SLC24A4: variants seen among roughly 807,000 people sequenced by gnomAD.
SLC24A4 encodes sodium/potassium/calcium exchanger 4.
Under a neutral mutation model 79.0 loss-of-function variants are expected in SLC24A4, and 53 were observed. That is an observed-to-expected ratio of 0.67 (90% CI 0.54 to 0.84). The LOEUF (loss-of-function observed/expected upper bound fraction) is 0.84. Among genes scored for constraint, SLC24A4 ranks in the 40% least tolerant of loss-of-function variants. The pLI, the probability that SLC24A4 is intolerant of heterozygous loss-of-function variation, is 0.00. For missense variants in SLC24A4, 731 were observed against 822.0 expected, an observed-to-expected ratio of 0.89 and a Z score of 1.35; for synonymous variants, 323 against 323.8, an observed-to-expected ratio of 1.00 and a Z score of 0.03.
At position 92,493,482 on chromosome 14, in the gene SLC24A4, G is replaced by T; in HGVS notation, c.1723G>T (p.Gly575Cys). 1 of 1,614,090 alleles carries T rather than the reference G, an allele frequency of 6.2e-7. No homozygotes were observed. The highest frequency in any genetic ancestry group is 1.1e-5 in the South Asian group (1 of 91,074). Residue 575 changes from glycine (G) to cysteine (C), a missense_variant, in exon 17 of 17, where the codon GGC (glycine) becomes TGC (cysteine). By Grantham distance (159) the Gly-to-Cys change is radical. Transcript: ENST00000532405. ...LLGSVALTVL[G>C]IHLNKWRLDR... ...CCACACTCTGTCCTCCCAGGTCCTC[G>T]GCATCCACCTAAACAAGTGGCGACT...
intron 3 of SLC24A4, 122 bp from the exon 4 acceptor site, chr14:92,439,213 C>A: frequency 2.7e-6 from 2 of 737,152 alleles, no homozygotes; most frequent in Non-Finnish European, 4.7e-6. Flanking sequence ...TGGAGTTTTC[C>A]TGTGTGCCCC....
At chr14:92,484,157 C>G (rs921620541) in intron 13 of SLC24A4, 8 of 985,246 alleles carry the variant, frequency 8.1e-6, no homozygotes, top group Middle Eastern at 1.0e-3. Flanking sequence ...TTCCCTCCCC[C>G]CAACCCAATC....
At chr14:92,379,887 C>T (rs115065348) in intron 2 of SLC24A4, among the ~76,000 whole-genome samples, 3,310 of 152,252 alleles carry the variant, frequency 0.022, 66 homozygotes, top group African/African-American at 0.051. Context: ...CCAGACTCTC[C>T]GTCATCCAGG....
In SLC24A4 at chr14:92,454,748, T is replaced by C. The variant is rs1893361018; in HGVS notation, c.1050+679T>C. On this transcript the variant is annotated intron_variant, in intron 11 of 16. Coordinates refer to ENST00000532405, the MANE Select transcript of SLC24A4 (RefSeq NM_153646.4). ...ATATTTCACAGTGCCTACGGGTTCA[T>C]ATTGTAAACATTTCTCTTTGATTTA... is the stretch of plus-strand genomic sequence containing the variant. Among the ~76,000 whole-genome samples, 4 of 152,230 alleles carry C rather than the reference T, an allele frequency of 2.6e-5. No homozygotes were observed. In the South Asian group the frequency reaches 8.3e-4, roughly 32 times the overall value.
At chr14:92,368,698 G>T (rs1215666305) in intron 2 of SLC24A4, among the ~76,000 whole-genome samples, 1 of 152,162 alleles carries the variant, frequency 6.6e-6, no homozygotes, top group Non-Finnish European at 1.5e-5. Context: ...GACAGCTGCT[G>T]CAGGGGCTCT....
At position 92,444,928 on chromosome 14, in the gene SLC24A4, CACAT is replaced by C. The variant is rs752811910; in HGVS notation, c.658-385_658-382del. Among the ~76,000 whole-genome samples, 308 of 70,950 alleles carry C rather than the reference CACAT, an allele frequency of 4.3e-3. 6 individuals are homozygous for C. In the East Asian group the frequency reaches 0.1, roughly 24 times the overall value. 46.5% of individuals were successfully genotyped at this position (70,950 alleles called of 152,430 possible). ...TACACACACACACCCTATATACACA[CACAT>C]ACACACACACACACACACACACACA... On this transcript the variant is annotated intron_variant, in intron 7 of 16. Coordinates refer to ENST00000532405, the MANE Select transcript of SLC24A4 (RefSeq NM_153646.4).
At chr14:92,358,755 G>A (rs1887327809) in intron 2 of SLC24A4, among the ~76,000 whole-genome samples, 1 of 145,912 alleles carries the variant, frequency 6.9e-6, no homozygotes, top group East Asian at 2.0e-4. Context: ...GGAATGCAGT[G>A]CTCACTGCAA....
intron 2 of SLC24A4, among the ~76,000 whole-genome samples, chr14:92,415,782 T>C (rs1890949167): frequency 6.6e-6 from 1 of 151,836 alleles, no homozygotes; most frequent in Non-Finnish European, 1.5e-5. Flanking sequence ...TTTTTTTTAA[T>C]TTCCATAGGG....
intron 12 of SLC24A4, among the ~76,000 whole-genome samples, chr14:92,461,610 T>C (rs1489674905): frequency 6.6e-6 from 1 of 152,152 alleles, no homozygotes; most frequent in Non-Finnish European, 1.5e-5. Flanking sequence ...AGGCCACTAT[T>C]GAATTAGGAC....
rs1388443783 is a variant in SLC24A4 at position 92,493,486 on chromosome 14, T to C, written c.1727T>C (p.Ile576Thr). 1 of 1,614,226 alleles carries C rather than the reference T, an allele frequency of 6.2e-7. No individual in the cohort carries two copies. Among genetic ancestry groups the C allele is most frequent in the Non-Finnish European group, 8.5e-7 (1 of 1,180,042 alleles). The change falls in exon 17 of 17, where the codon ATC (isoleucine) becomes ACC (threonine). Residue 576 changes from isoleucine to threonine, a missense_variant. Physicochemically the swap from Ile to Thr is moderately conservative, Grantham distance 89. Coordinates refer to ENST00000532405, the MANE Select transcript of SLC24A4 (RefSeq NM_153646.4). ...LGSVALTVLG[I>T]HLNKWRLDRK... Reference sequence around the variant, plus strand: ...ACTCTGTCCTCCCAGGTCCTCGGCATCCACCTAAACAAGTGGCGACTGGAC... The same window carrying C: ...ACTCTGTCCTCCCAGGTCCTCGGCACCCACCTAAACAAGTGGCGACTGGAC...
intron 9 of SLC24A4, among the ~76,000 whole-genome samples, chr14:92,448,292 G>A (rs1404416667): frequency 6.7e-6 from 1 of 148,902 alleles, no homozygotes; most frequent in Non-Finnish European, 1.5e-5. Flanking sequence ...CCCTTAAAAA[G>A]GGAAAGTAGT....
At chr14:92,344,933 T>A (rs1262732935) in intron 2 of SLC24A4, among the ~76,000 whole-genome samples, 2 of 152,234 alleles carry the variant, frequency 1.3e-5, no homozygotes, top group African/African-American at 4.8e-5. Context: ...AAATGTAAGA[T>A]GTCTGGAGAG....
chr14:92,370,149 A>C (rs913654544), intron 2 of SLC24A4, among the ~76,000 whole-genome samples: 1 of 152,228 alleles, frequency 6.6e-6, no homozygotes, highest in Non-Finnish European at 1.5e-5. Context: ...CTGGTAAGAG[A>C]TAGCTTTTAA....
chr14:92,392,023 C>T (rs1484874775), intron 2 of SLC24A4, among the ~76,000 whole-genome samples: 2 of 152,160 alleles, frequency 1.3e-5, no homozygotes, highest in Non-Finnish European at 2.9e-5. Flanking sequence ...GAGCCACCAG[C>T]CCAGGCAGCA....
upstream of SLC24A4, chr14:92,322,685 GA>G (rs1210607941): frequency 9.8e-5 from 15 of 152,706 alleles, no homozygotes; most frequent in Admixed American, 9.8e-4. Context: ...AGCCCTGAAG[GA>G]GCTGGTCCCA....
chr14:92,468,580 T>A (rs12893365), intron 12 of SLC24A4, among the ~76,000 whole-genome samples: 102,642 of 152,054 alleles, frequency 0.68, 35,752 homozygotes, highest in Non-Finnish European at 0.76. Context: ...TGAAATACAA[T>A]TGGAAGTCCT....
intron 2 of SLC24A4, among the ~76,000 whole-genome samples, chr14:92,331,604 T>G (rs1458914759): frequency 6.6e-6 from 1 of 152,226 alleles, no homozygotes; most frequent in Non-Finnish European, 1.5e-5. Context: ...ATTCTATCCA[T>G]TACTGTATTA....
Position 92,447,456 on chromosome 14 carries a change from G to A in SLC24A4, c.737+32G>A, listed in dbSNP as rs59059507. On this transcript the variant is annotated intron_variant, in intron 9 of 16. Transcript: ENST00000532405. ...GCCCTTTCTCCTCCCCGGGGCTGCC[G>A]ACGCCTTGCCCCACTGCCTGCTACA... 9.2e-3 allele frequency: 14,791 copies of A among 1,601,468 alleles called. 101 individuals are homozygous for A. The highest frequency in any genetic ancestry group is 0.033 in the African/African-American group (2,496 of 74,764).
At chr14:92,436,047 A>G (rs1161037488) in intron 3 of SLC24A4, among the ~76,000 whole-genome samples, 1 of 152,220 alleles carries the variant, frequency 6.6e-6, no homozygotes, top group Non-Finnish European at 1.5e-5. Context: ...CCAGCTCACC[A>G]ACTGTTTGTT....
Sources: allele counts gnomAD v4.1 joint callset (sites outside exome capture counted in the v4.1 genomes callset), GRCh38; gene constraint gnomAD v4.1.1; transcripts MANE v1.5; gene names NCBI Gene and HGNC (gene_info 2026-07-23, HGNC 2026-07-21).